LRIG1: variants seen among roughly 807,000 people sequenced by gnomAD.
The protein encoded by LRIG1 is leucine rich repeats and immunoglobulin like domains 1, also known as leucine-rich repeats and immunoglobulin-like domains protein 1.
A neutral mutation model predicts 99.2 loss-of-function variants in LRIG1; 48 were observed. The ratio of observed to expected loss-of-function variants is 0.48; its 90% CI spans 0.38 to 0.62. The LOEUF is 0.62. Among genes scored for constraint, LRIG1 ranks in the 20% least tolerant of loss-of-function variants. The pLI, the probability that LRIG1 is intolerant of heterozygous loss-of-function variation, is 0.00. For synonymous variants in LRIG1, 772 were observed against 596.1 expected, an observed-to-expected ratio of 1.29 and a Z score of -4.30; for missense variants, 1,646 against 1,434.4, an observed-to-expected ratio of 1.15 and a Z score of -2.38.
chr3:66,435,105 A>G (rs905650325), intron 3 of LRIG1, among the ~76,000 whole-genome samples: 6 of 152,258 alleles, frequency 3.9e-5, no homozygotes, highest in Non-Finnish European at 8.8e-5. Flanking sequence ...CAACTCTGTG[A>G]TTAAAAAGGA....
intron 3 of LRIG1, among the ~76,000 whole-genome samples, chr3:66,435,655 G>C (rs992973651): frequency 1.3e-5 from 2 of 152,146 alleles, no homozygotes; most frequent in South Asian, 4.1e-4. Flanking sequence ...AGAGATCCTT[G>C]CAATGATACA....
chr3:66,477,939 C>T (rs1367138585), intron 1 of LRIG1, among the ~76,000 whole-genome samples: 2 of 152,056 alleles, frequency 1.3e-5, no homozygotes, highest in African/African-American at 2.4e-5. Flanking sequence ...AAAAATTAAA[C>T]CTTGGGGGTA....
At chr3:66,395,166 A>G (rs180902647) in intron 11 of LRIG1, among the ~76,000 whole-genome samples, 1 of 152,148 alleles carries the variant, frequency 6.6e-6, no homozygotes, top group African/African-American at 2.4e-5. Flanking sequence ...GAAGACTGGG[A>G]AAGAGAGCAC....
Position 66,379,431 on chromosome 3 carries a change from A to ACCTTAATTTAAAAGTCTC in LRIG1, c.*814_*831dup. 1 of 152,288 alleles carries ACCTTAATTTAAAAGTCTC rather than the reference A, an allele frequency of 6.6e-6. No homozygotes were observed. The highest frequency in any genetic ancestry group is 3.4e-3 in the Middle Eastern group (1 of 294). 9.4% of individuals were successfully genotyped at this position (152,288 alleles called of 1,614,324 possible). On this transcript the variant is annotated 3_prime_UTR_variant, in exon 19 of 19. Coordinates refer to ENST00000273261, the MANE Select transcript of LRIG1 (RefSeq NM_015541.3). ...ACAGGTACCAACACCAGCAGCCTTTACCTTAATTTAAAAGTCTCAAATAGC... is the reference window on the plus strand; with the variant it reads ...ACAGGTACCAACACCAGCAGCCTTTACCTTAATTTAAAAGTCTCCCTTAATTTAAAAGTCTCAAATAGC...
chr3:66,393,977 A>AATT, intron 12 of LRIG1, 63 bp downstream of exon 12: 1 of 1,546,924 alleles, frequency 6.5e-7, no homozygotes, highest in Non-Finnish European at 8.9e-7. Context: ...CCCATAATGA[A>AATT]GAGTACCTCC....
In LRIG1 at chr3:66,395,781, G is replaced by T. The variant is rs1701825421; in HGVS notation, c.1305-1578C>A. 2.0e-5 allele frequency among the ~76,000 whole-genome samples: 3 copies of T among 152,192 alleles called. No individual in the cohort carries two copies. The South Asian group carries it at 6.2e-4, about 31-fold the overall frequency. On this transcript the variant is annotated intron_variant, in intron 11 of 18. Transcript: ENST00000273261. Reference sequence around the variant, plus strand: ...CAGCTCCCAGGAGTGCACCCTGCATGGGGGTCAGGGCTGGCTGCGCCAGGC... The same window carrying T: ...CAGCTCCCAGGAGTGCACCCTGCATTGGGGTCAGGGCTGGCTGCGCCAGGC...
At chr3:66,407,906 G>A (rs889614413) in intron 7 of LRIG1, among the ~76,000 whole-genome samples, 9 of 152,160 alleles carry the variant, frequency 5.9e-5, no homozygotes, top group Admixed American at 3.9e-4. Context: ...CAGCAAGCCA[G>A]GGAGCCCCAG....
At chr3:66,491,244 G>A (rs577986884) in intron 1 of LRIG1, among the ~76,000 whole-genome samples, 2 of 152,220 alleles carry the variant, frequency 1.3e-5, no homozygotes, top group Admixed American at 6.5e-5. Flanking sequence ...ACAACCAACG[G>A]CTAATTATCC....
At chr3:66,395,625 C>T (rs1237223851) in intron 11 of LRIG1, among the ~76,000 whole-genome samples, 1 of 152,214 alleles carries the variant, frequency 6.6e-6, no homozygotes, top group Non-Finnish European at 1.5e-5. Flanking sequence ...ATTTTTATTT[C>T]ACGGGCAGGT....
chr3:66,460,946 G>A (rs1259096882), intron 2 of LRIG1, among the ~76,000 whole-genome samples: 1 of 152,184 alleles, frequency 6.6e-6, no homozygotes, highest in East Asian at 1.9e-4. Context: ...TGGAATGCAA[G>A]TATTTTGCAA....
chr3:66,492,340 T>C (rs1480725698), intron 1 of LRIG1, among the ~76,000 whole-genome samples: 1 of 152,114 alleles, frequency 6.6e-6, no homozygotes, highest in Non-Finnish European at 1.5e-5. Flanking sequence ...TATAAATTGG[T>C]GGAAGGAGCA....
At position 66,405,193 on chromosome 3, in the gene LRIG1, C is replaced by G. The variant is rs571628905; in HGVS notation, c.1160+5G>C. On this transcript the variant is annotated splice_donor_5th_base_variant and intron_variant, in intron 9 of 18. Transcript: ENST00000273261. ...CCGGCGGAGCTCCGTGCGGCGGATA[C>G]TCACAGCTTGCTGAGGCTGTCGAGC... 6.2e-7 allele frequency: 1 copy of G among 1,613,900 alleles called. No homozygotes were observed. Among genetic ancestry groups the G allele is most frequent in the South Asian group, 1.1e-5 (1 of 91,074 alleles).
At chr3:66,437,017 C>T (rs1703382349) in intron 3 of LRIG1, among the ~76,000 whole-genome samples, 1 of 152,168 alleles carries the variant, frequency 6.6e-6, no homozygotes, top group Non-Finnish European at 1.5e-5. Context: ...CACTCTTTTC[C>T]CCCTCAATGC....
chr3:66,405,130 C>G lies in LRIG1; in HGVS notation c.1160+68G>C, dbSNP rs1702216404. The G allele has an allele frequency of 2.8e-6, 4 of 1,441,250 alleles. No homozygotes were observed. The African/African-American group carries it at 5.6e-5, about 20-fold the overall frequency. 89.3% of individuals were successfully genotyped at this position (1,441,250 alleles called of 1,614,324 possible). A position where few individuals can be genotyped will look rare whatever the true frequency, so the allele number is the denominator to read the frequency against. ...GAGCAGAGAGGCGCGGGGGGCGCCA[C>G]AGAAACATCTCCCACCCAAGTGTGT... On this transcript the variant is annotated intron_variant, in intron 9 of 18. Coordinates refer to ENST00000273261, the MANE Select transcript of LRIG1 (RefSeq NM_015541.3).
chr3:66,408,547 G>A (rs984377945), intron 7 of LRIG1, among the ~76,000 whole-genome samples: 19 of 152,220 alleles, frequency 1.2e-4, no homozygotes, highest in African/African-American at 1.7e-4. Flanking sequence ...AGGGGATCCC[G>A]GACCCCGCAG....
intron 1 of LRIG1, among the ~76,000 whole-genome samples, chr3:66,470,448 A>T (rs944660324): frequency 1.3e-5 from 2 of 152,202 alleles, no homozygotes; most frequent in African/African-American, 4.8e-5. Flanking sequence ...TAAGGAATGG[A>T]GGGCATGGAG....
At position 66,381,645 on chromosome 3, in the gene LRIG1, C is replaced by G. The variant is rs1053949575; in HGVS notation, c.2618-14G>C. ...TTGGACACACACCTGCAAGTGGATT[C>G]CAACACGATTAGAAACTCTGGGCTT... On this transcript the variant is annotated splice_polypyrimidine_tract_variant and intron_variant, in intron 16 of 18. Coordinates refer to ENST00000273261, the MANE Select transcript of LRIG1 (RefSeq NM_015541.3). 4 of 1,607,952 alleles carry G rather than the reference C, an allele frequency of 2.5e-6. No homozygotes were observed. The highest frequency in any genetic ancestry group is 3.4e-6 in the Non-Finnish European group (4 of 1,174,922).
chr3:66,395,959 T>A (rs1207355741), intron 11 of LRIG1, among the ~76,000 whole-genome samples: 1 of 152,012 alleles, frequency 6.6e-6, no homozygotes, highest in Non-Finnish European at 1.5e-5. Flanking sequence ...CTGTGCGACG[T>A]TAAGCATTTG....
At chr3:66,469,561 T>C (rs1168254459) in intron 1 of LRIG1, among the ~76,000 whole-genome samples, 1 of 152,222 alleles carries the variant, frequency 6.6e-6, no homozygotes, top group Non-Finnish European at 1.5e-5. Flanking sequence ...CATAAGGTCT[T>C]ACATGTGCTT....
Sources: allele counts gnomAD v4.1 joint callset (sites outside exome capture counted in the v4.1 genomes callset), GRCh38; gene constraint gnomAD v4.1.1; transcripts MANE v1.5; gene names NCBI Gene and HGNC (gene_info 2026-07-23, HGNC 2026-07-21).